Variants in ACSS3 observed in about 807,000 individuals in gnomAD.
ACSS3 encodes the protein acyl-CoA synthetase short-chain family member 3, mitochondrial.
A neutral mutation model predicts 84.2 loss-of-function variants in ACSS3; 64 were observed. That is an observed-to-expected ratio of 0.76 (90% CI 0.62 to 0.94). The LOEUF (loss-of-function observed/expected upper bound fraction) is 0.94, where lower values mean the gene tolerates loss of function less well. Among genes scored for constraint, ACSS3 ranks in the 40% least tolerant of loss-of-function variants. The probability of loss-of-function intolerance (pLI) is 0.00; values close to 1 mark genes in which losing one functional copy is unlikely to be tolerated. For synonymous variants in ACSS3, 317 were observed against 310.1 expected (o/e 1.02, Z -0.23); for missense variants, 815 against 867.6 (o/e 0.94, Z 0.76).
At chr12:81,250,339 TTCAC>T (rs1395018684) in intron 13 of ACSS3, among the ~76,000 whole-genome samples, 4 of 152,138 alleles carry the variant, frequency 2.6e-5, no homozygotes, top group Admixed American at 2.6e-4. Context: ...AATATTTGAT[TTCAC>T]TCAGATATGA....
Position 81,254,783 on chromosome 12 carries a change from A to G in ACSS3, c.1996-74A>G, listed in dbSNP as rs184860704. ...GACAATGGGGAAAACAACATTGCAT[A>G]TAATTGTTTAATTATAGAAAGAGTA... On this transcript the variant is annotated intron_variant, in intron 15 of 15. Transcript: ENST00000548058. The G allele has an allele frequency of 1.7e-4, 203 of 1,220,916 alleles. No homozygotes were observed. The Middle Eastern group carries it at 2.2e-3, about 13-fold the overall frequency. 75.6% of individuals were successfully genotyped at this position (1,220,916 alleles called of 1,614,324 possible).
intron 10 of ACSS3, among the ~76,000 whole-genome samples, chr12:81,218,320 A>G (rs191702291): frequency 2.0e-5 from 3 of 152,342 alleles, no homozygotes; most frequent in Non-Finnish European, 2.9e-5. Context: ...TAGTAGACCT[A>G]TGAAGAAAAC....
In ACSS3 at chr12:81,078,830, G is replaced by A. The variant is rs192884247; in HGVS notation, c.311+399G>A. ...ACTAAGTATCCTCCTACTATGGGGA[G>A]GGAGGGTTAAGAAAAGACTTCAATA... On this transcript the variant is annotated intron_variant, in intron 1 of 15. Coordinates refer to ENST00000548058, the MANE Select transcript of ACSS3 (RefSeq NM_024560.4). Among the ~76,000 whole-genome samples, 6 of 152,308 alleles carry A rather than the reference G, an allele frequency of 3.9e-5. No homozygotes were observed. The East Asian group carries it at 1.2e-3, about 29-fold the overall frequency.
chr12:81,174,969 A>G (rs1439973582), intron 8 of ACSS3, 30 bp downstream of exon 8: 46 of 1,601,276 alleles, frequency 2.9e-5, no homozygotes, highest in African/African-American at 4.0e-5. Context: ...GGCAAATGAC[A>G]TTAGAAAGTG....
intron 11 of ACSS3, among the ~76,000 whole-genome samples, chr12:81,220,824 C>G (rs2135949959): frequency 6.6e-6 from 1 of 152,076 alleles, no homozygotes; most frequent in African/African-American, 2.4e-5. Flanking sequence ...TACTCTGTTT[C>G]TTAAAATTTT....
In ACSS3 at chr12:81,254,898, A is replaced by G. The variant is rs2034256735; in HGVS notation, c.2037A>G (p.Val679=). The G allele has an allele frequency of 6.2e-7, 1 of 1,607,564 alleles. No individual in the cohort carries two copies. The highest frequency in any genetic ancestry group is 1.1e-5 in the South Asian group (1 of 89,530). ...AAGACCCCAGCATTTTTGGCCACGT[A>G]GAAGAAATGCTGAAGCAAGCATAAT... is the stretch of plus-strand genomic sequence containing the variant. The part of the protein sequence containing the change: ...TIEDPSIFGH[V]EEMLKQA The change falls in exon 16 of 16, where the codon GTA becomes GTG. Residue 679 remains valine (V), a synonymous_variant. Transcript: ENST00000548058.
At position 81,253,296 on chromosome 12, in the gene ACSS3, C is replaced by A; in HGVS notation, c.1720-11C>A. 1 of 1,611,326 alleles carries A rather than the reference C, an allele frequency of 6.2e-7. No individual in the cohort carries two copies. The highest frequency in any genetic ancestry group is 8.5e-7 in the Non-Finnish European group (1 of 1,177,674). On this transcript the variant is annotated splice_polypyrimidine_tract_variant and intron_variant, in intron 13 of 15. Coordinates refer to ENST00000548058, the MANE Select transcript of ACSS3 (RefSeq NM_024560.4). ...AAATGTATTCTAAATGAATGCCTTT[C>A]CTTATTACAGTCAATCCTTTCCCAT... is the stretch of plus-strand genomic sequence containing the variant.
intron 3 of ACSS3, among the ~76,000 whole-genome samples, chr12:81,135,865 C>G (rs775226799): frequency 1.1e-4 from 16 of 152,110 alleles, no homozygotes; most frequent in Non-Finnish European, 1.8e-4. Flanking sequence ...AGACATCTTG[C>G]TAGGTGCCTT....
Position 81,199,462 on chromosome 12 carries a change from A to G in ACSS3, c.1354+18A>G, listed in dbSNP as rs771960514. 37 of 1,595,666 alleles carry G rather than the reference A, an allele frequency of 2.3e-5. No individual in the cohort carries two copies. Among genetic ancestry groups the G allele is most frequent in the Non-Finnish European group, 3.0e-5 (35 of 1,167,770 alleles). Reference sequence around the variant, plus strand: ...GCAAACTGGTAAGCATTTTCCTAGCATGTACATAAATAGTAAAGAAATGTT... The same window carrying G: ...GCAAACTGGTAAGCATTTTCCTAGCGTGTACATAAATAGTAAAGAAATGTT... On this transcript the variant is annotated intron_variant, in intron 9 of 15. Transcript: ENST00000548058.
At chr12:81,251,638 C>A (rs1212619860) in intron 13 of ACSS3, among the ~76,000 whole-genome samples, 1 of 138,148 alleles carries the variant, frequency 7.2e-6, no homozygotes, top group East Asian at 2.1e-4. Flanking sequence ...TTGAGACCAG[C>A]CTAGGGAACA....
At chr12:81,147,880 C>A (rs537020749) in intron 5 of ACSS3, among the ~76,000 whole-genome samples, 53 of 151,902 alleles carry the variant, frequency 3.5e-4, no homozygotes, top group Non-Finnish European at 6.6e-4. Context: ...CACACACACA[C>A]ACACACAAAC....
intron 1 of ACSS3, among the ~76,000 whole-genome samples, chr12:81,107,511 C>CATATATATATAT (rs566270568): frequency 1.0e-4 from 4 of 38,824 alleles, no homozygotes; most frequent in Admixed American, 4.3e-4. Context: ...CAAATATATA[C>CATATATATATAT]ATATATATAT....
At chr12:81,211,901 T>C (rs2032607438) in intron 9 of ACSS3, among the ~76,000 whole-genome samples, 1 of 152,210 alleles carries the variant, frequency 6.6e-6, no homozygotes, top group Non-Finnish European at 1.5e-5. Context: ...AATTCTGTGA[T>C]TCTATTTCAG....
chr12:81,153,203 T>C (rs143914631), intron 7 of ACSS3, among the ~76,000 whole-genome samples: 6 of 151,992 alleles, frequency 3.9e-5, no homozygotes, highest in African/African-American at 1.2e-4. Flanking sequence ...AGGTCAGGAG[T>C]TCGAGACCAG....
chr12:81,157,347 A>T (rs775534137), intron 7 of ACSS3, among the ~76,000 whole-genome samples: 1 of 152,198 alleles, frequency 6.6e-6, no homozygotes, highest in African/African-American at 2.4e-5. Context: ...AATTGAAAGG[A>T]ACTTCCTCAA....
chr12:81,183,040 T>C (rs1019034708), intron 8 of ACSS3, among the ~76,000 whole-genome samples: 1 of 152,178 alleles, frequency 6.6e-6, no homozygotes, highest in African/African-American at 2.4e-5. Context: ...GCTCACTGCT[T>C]GTAGAAAGAA....
chr12:81,162,321 G>A (rs1464324323), intron 7 of ACSS3, among the ~76,000 whole-genome samples: 1 of 152,204 alleles, frequency 6.6e-6, no homozygotes, highest in Non-Finnish European at 1.5e-5. Flanking sequence ...TATCTGTGCA[G>A]CTTGCAGCTG....
At chr12:81,247,947 G>GT (rs1360805520) in intron 13 of ACSS3, among the ~76,000 whole-genome samples, 1 of 151,876 alleles carries the variant, frequency 6.6e-6, no homozygotes, top group Admixed American at 6.6e-5. Context: ...ACTGAATATT[G>GT]TTTTTAAGTA....
chr12:81,212,149 GT>G (rs1008628848), intron 9 of ACSS3, among the ~76,000 whole-genome samples: 9 of 151,872 alleles, frequency 5.9e-5, no homozygotes, highest in Admixed American at 2.0e-4. Flanking sequence ...TCCTTTTTCC[GT>G]TAGTATTTAT....
Sources: allele counts gnomAD v4.1 joint callset (sites outside exome capture counted in the v4.1 genomes callset), GRCh38; gene constraint gnomAD v4.1.1; transcripts MANE v1.5; gene names NCBI Gene and HGNC (gene_info 2026-07-23, HGNC 2026-07-21).